The following MAPKAP1 variants were observed in gnomAD, a reference collection of about 807,000 sequenced individuals.
MAPKAP1 encodes target of rapamycin complex 2 subunit MAPKAP1.
A neutral mutation model predicts 65.7 loss-of-function variants in MAPKAP1; 20 were observed. The observed-to-expected ratio is 0.30, with a 90% confidence interval of 0.21 to 0.44. The LOEUF (loss-of-function observed/expected upper bound fraction) is 0.44, where lower values mean the gene tolerates loss of function less well. Among genes scored for constraint, MAPKAP1 ranks in the 20% least tolerant of loss-of-function variants. The pLI, the probability that MAPKAP1 is intolerant of heterozygous loss-of-function variation, is 1.00. For missense variants in MAPKAP1, 423 were observed against 648.0 expected, an observed-to-expected ratio of 0.65 and a Z score of 3.77; for synonymous variants, 222 against 244.3, an observed-to-expected ratio of 0.91 and a Z score of 0.85.
rs918192432 is a variant in MAPKAP1, at chr9:125,439,197, C to T, written c.1444-185G>A. On this transcript the variant is annotated intron_variant, in intron 11 of 11. Coordinates refer to ENST00000265960, the MANE Select transcript of MAPKAP1 (RefSeq NM_001006617.3). The surrounding 1 kb of genome is among the most constrained non-coding windows in gnomAD (Gnocchi z 4.0). ...GGCTGGGCCCAGAGCCGCTGCTCTA[C>T]GATGGGAAAACAGAGGCTTGGAGAA... Among the ~76,000 whole-genome samples the T allele has an allele frequency of 2.0e-5, 3 of 152,300 alleles. No individual in the cohort carries two copies. The highest frequency in any genetic ancestry group is 1.9e-4 in the East Asian group (1 of 5,166).
chr9:125,443,409 C>T (rs10986758), intron 11 of MAPKAP1, among the ~76,000 whole-genome samples: 3,056 of 152,266 alleles, frequency 0.02, 166 homozygotes, highest in East Asian at 0.14. Flanking sequence ...TGCTCTGCCA[C>T]AGCAGCTGCT....
chr9:125,444,088 C>T (rs775215261), intron 11 of MAPKAP1, among the ~76,000 whole-genome samples: 1 of 152,190 alleles, frequency 6.6e-6, no homozygotes, highest in Non-Finnish European at 1.5e-5. Context: ...ATGTTTAGAA[C>T]AGGTTGCTAA....
intron 7 of MAPKAP1, among the ~76,000 whole-genome samples, chr9:125,531,746 T>C (rs544485845): frequency 1.5e-4 from 23 of 152,286 alleles, no homozygotes; most frequent in South Asian, 8.3e-4. Context: ...CCTAGACCTA[T>C]AGTCAACATT....
chr9:125,569,414 G>A (rs2131533336), intron 5 of MAPKAP1, among the ~76,000 whole-genome samples: 1 of 152,210 alleles, frequency 6.6e-6, no homozygotes, highest in African/African-American at 2.4e-5. Flanking sequence ...TCCCCACCTA[G>A]GAAGTAAGTC....
rs555856256 is a variant in MAPKAP1 at position 125,683,974 on chromosome 9, T to C, written c.-69-11331A>G. Among the ~76,000 whole-genome samples, 96 of 152,334 alleles carry C rather than the reference T, an allele frequency of 6.3e-4. 3 individuals carry two copies. In the South Asian group the frequency reaches 0.016, roughly 25 times the overall value. ...TTATTTCAGGTGTACCCTTCTCCAA[T>C]ACAAATCTTATTCTTGTAAGTCCAA... On this transcript the variant is annotated intron_variant, in intron 1 of 11. Coordinates refer to ENST00000265960, the MANE Select transcript of MAPKAP1 (RefSeq NM_001006617.3).
intron 10 of MAPKAP1, among the ~76,000 whole-genome samples, chr9:125,461,208 C>T (rs903669178): frequency 2.0e-5 from 3 of 152,216 alleles, no homozygotes; most frequent in East Asian, 1.9e-4. Flanking sequence ...CGTCTGCTTA[C>T]GGTTTTTCTC....
chr9:125,469,085 C>T (rs1853798171), intron 9 of MAPKAP1, among the ~76,000 whole-genome samples: 1 of 151,992 alleles, frequency 6.6e-6, no homozygotes, highest in Non-Finnish European at 1.5e-5. Context: ...AGACAAAAAC[C>T]TTTAACATGC....
intron 9 of MAPKAP1, among the ~76,000 whole-genome samples, chr9:125,477,203 C>T (rs981455260): frequency 3.9e-5 from 6 of 152,094 alleles, no homozygotes; most frequent in Admixed American, 2.6e-4. Context: ...GTTATAGATG[C>T]GATGCTGATA....
chr9:125,622,165 A>G (rs2131657899), intron 4 of MAPKAP1, among the ~76,000 whole-genome samples: 1 of 152,252 alleles, frequency 6.6e-6, no homozygotes, highest in East Asian at 1.9e-4. Context: ...AGGCTGGTTC[A>G]TGAGTACAAA....
intron 8 of MAPKAP1, among the ~76,000 whole-genome samples, chr9:125,496,410 C>T (rs1023841176): frequency 1.3e-5 from 2 of 152,162 alleles, no homozygotes; most frequent in African/African-American, 4.8e-5. Context: ...ATATGTAAAA[C>T]GAACATCACA....
intron 4 of MAPKAP1, among the ~76,000 whole-genome samples, chr9:125,615,602 A>G (rs1255212353): frequency 6.6e-6 from 1 of 151,624 alleles, no homozygotes; most frequent in East Asian, 1.9e-4. Flanking sequence ...AATATACAAG[A>G]CACTCACAAA....
intron 1 of MAPKAP1, among the ~76,000 whole-genome samples, chr9:125,693,699 GTATATATACACA>G (rs750386099): frequency 4.9e-5 from 3 of 60,994 alleles, no homozygotes; most frequent in African/African-American, 1.9e-4. Flanking sequence ...ATATATACAC[GTATATATACACA>G]TATATACACG....
At chr9:125,689,113 G>C (rs1164015457) in intron 1 of MAPKAP1, among the ~76,000 whole-genome samples, 4 of 152,052 alleles carry the variant, frequency 2.6e-5, no homozygotes, top group Non-Finnish European at 4.4e-5. Context: ...TCAAGCAAGG[G>C]GTTAAAGACA....
At chr9:125,463,796 CTTAA>C (rs1853581506) in intron 10 of MAPKAP1, among the ~76,000 whole-genome samples, 1 of 152,208 alleles carries the variant, frequency 6.6e-6, no homozygotes, top group Non-Finnish European at 1.5e-5. Context: ...ATGATCTATG[CTTAA>C]TTGAGATACA....
intron 1 of MAPKAP1, among the ~76,000 whole-genome samples, chr9:125,696,853 C>T (rs1410736735): frequency 6.6e-6 from 1 of 152,178 alleles, no homozygotes; most frequent in African/African-American, 2.4e-5. Context: ...ACTCTAAAAT[C>T]TTATGCCTCA....
intron 9 of MAPKAP1, among the ~76,000 whole-genome samples, chr9:125,483,618 G>T (rs1416036651): frequency 2.0e-5 from 3 of 152,126 alleles, no homozygotes; most frequent in Non-Finnish European, 4.4e-5. Context: ...CTCTCCCTCG[G>T]CCATCACATG....
intron 1 of MAPKAP1, among the ~76,000 whole-genome samples, chr9:125,686,184 G>C (rs1834967324): frequency 6.6e-6 from 1 of 151,782 alleles, no homozygotes; most frequent in Non-Finnish European, 1.5e-5. Context: ...GCCAGGTGTG[G>C]TGGTGGTGGG....
intron 4 of MAPKAP1, among the ~76,000 whole-genome samples, chr9:125,587,900 C>T (rs952372319): frequency 1.3e-5 from 2 of 152,048 alleles, no homozygotes; most frequent in African/African-American, 4.8e-5. Flanking sequence ...AACAACAACC[C>T]AAAAAACCCC....
intron 7 of MAPKAP1, among the ~76,000 whole-genome samples, chr9:125,512,001 T>C (rs894505220): frequency 5.3e-5 from 8 of 152,202 alleles, no homozygotes; most frequent in Non-Finnish European, 1.0e-4. Context: ...CAAGTTATAA[T>C]ACCCAGGCAG....
Sources: gnomAD v4.1 joint callset for allele counts (sites outside exome capture counted in the v4.1 genomes callset) on GRCh38, gnomAD v4.1.1 for gene constraint, Gnocchi (gnomAD v3.1) non-coding constraint, MANE v1.5 for transcripts, NCBI Gene and HGNC (gene_info 2026-07-23, HGNC 2026-07-21) for gene names.